Variants in SEMA6D observed in about 807,000 individuals in gnomAD.
The protein encoded by SEMA6D is semaphorin 6D, also known as semaphorin-6D.
A neutral mutation model predicts 106.6 loss-of-function variants in SEMA6D; 35 were observed. That is an observed-to-expected ratio of 0.33 (90% CI 0.25 to 0.44). The LOEUF (loss-of-function observed/expected upper bound fraction) is 0.44. Among genes scored for constraint, SEMA6D ranks in the 20% least tolerant of loss-of-function variants. The probability of loss-of-function intolerance (pLI) is 1.00; values close to 1 mark genes in which losing one functional copy is unlikely to be tolerated. For missense variants in SEMA6D, 1,185 were observed against 1,345.9 expected, an observed-to-expected ratio of 0.88 and a Z score of 1.87; for synonymous variants, 499 against 487.7, an observed-to-expected ratio of 1.02 and a Z score of -0.31.
At chr15:47,374,297 A>G (rs2039375310) in intron 1 of SEMA6D, among the ~76,000 whole-genome samples, 1 of 152,142 alleles carries the variant, frequency 6.6e-6, no homozygotes, top group Non-Finnish European at 1.5e-5. Flanking sequence ...AGGGGGTGGT[A>G]AAGAGAAGTC....
intron 4 of SEMA6D, among the ~76,000 whole-genome samples, chr15:47,661,497 C>T (rs1299487018): frequency 6.6e-6 from 1 of 152,212 alleles, no homozygotes; most frequent in Non-Finnish European, 1.5e-5. Context: ...GCTATGGAAA[C>T]TGCATGAAGA....
intron 11 of SEMA6D, 58 bp downstream of exon 11, chr15:47,764,363 G>A: frequency 6.4e-7 from 1 of 1,570,458 alleles, no homozygotes; most frequent in East Asian, 2.3e-5. Flanking sequence ...GTCATTGGAA[G>A]CATCCCTCCT....
intron 1 of SEMA6D, among the ~76,000 whole-genome samples, chr15:47,325,250 T>C (rs1349784553): frequency 1.3e-5 from 2 of 151,750 alleles, no homozygotes; most frequent in African/African-American, 4.8e-5. Context: ...CTCGGCTCAC[T>C]GCAACCTCCA....
intron 2 of SEMA6D, among the ~76,000 whole-genome samples, chr15:47,447,119 GA>G (rs1415862861): frequency 6.6e-6 from 1 of 152,068 alleles, no homozygotes; most frequent in Non-Finnish European, 1.5e-5. Context: ...CCTCCAGTGG[GA>G]TATCTTCCTG....
intron 1 of SEMA6D, among the ~76,000 whole-genome samples, chr15:47,194,037 T>C (rs550102468): frequency 6.6e-6 from 1 of 151,968 alleles, no homozygotes; most frequent in South Asian, 2.1e-4. Flanking sequence ...GGTAGACAAC[T>C]AAATAAATAT....
chr15:47,636,652 C>T (rs893486385), intron 4 of SEMA6D, among the ~76,000 whole-genome samples: 2 of 152,136 alleles, frequency 1.3e-5, no homozygotes, highest in Non-Finnish European at 2.9e-5. Flanking sequence ...AACATCACAG[C>T]GAAGGCAAGA....
intron 3 of SEMA6D, among the ~76,000 whole-genome samples, chr15:47,506,156 T>C (rs2044030250): frequency 6.6e-6 from 1 of 152,154 alleles, no homozygotes; most frequent in South Asian, 2.1e-4. Context: ...AACCCTTCGC[T>C]GCTACAATGT....
At chr15:47,760,043 TA>T in intron 2 of SEMA6D, 136 bp downstream of exon 2, 1 of 729,888 alleles carries the variant, frequency 1.4e-6, no homozygotes, top group Non-Finnish European at 2.3e-6. Flanking sequence ...AGTTTATCAG[TA>T]ATCATTTCCT....
chr15:47,284,531 A>G (rs1022951962), intron 1 of SEMA6D, among the ~76,000 whole-genome samples: 1 of 152,184 alleles, frequency 6.6e-6, no homozygotes, highest in Admixed American at 6.5e-5. Context: ...AGATTCCACT[A>G]TAAATTTTCT....
At chr15:47,705,209 A>G (rs1356837567) in intron 4 of SEMA6D, among the ~76,000 whole-genome samples, 2 of 152,170 alleles carry the variant, frequency 1.3e-5, no homozygotes, top group East Asian at 3.9e-4. Flanking sequence ...GACACTAACT[A>G]GAGGGGCTTA....
At chr15:47,547,420 C>G (rs1278489208) in intron 3 of SEMA6D, among the ~76,000 whole-genome samples, 1 of 152,136 alleles carries the variant, frequency 6.6e-6, no homozygotes, top group Non-Finnish European at 1.5e-5. Flanking sequence ...AATAAAATGT[C>G]TTGCTTTTCA....
In SEMA6D at chr15:47,353,978, A is replaced by G. The variant is rs2144875680; in HGVS notation, c.-238-58415A>G. On this transcript the variant is annotated intron_variant, in intron 1 of 19. Transcript: ENST00000558014. ...TTTGAAAGATATGTTTCCTAAAAAAACAGAACTCAAAATATTATTTAGTTC... is the reference window on the plus strand; with the variant it reads ...TTTGAAAGATATGTTTCCTAAAAAAGCAGAACTCAAAATATTATTTAGTTC... Among the ~76,000 whole-genome samples, 2 of 152,172 alleles carry G rather than the reference A, an allele frequency of 1.3e-5. 1 individual carries two copies. Among genetic ancestry groups the G allele is most frequent in the South Asian group, 4.1e-4 (2 of 4,820 alleles).
At chr15:47,279,734 G>A (rs1375645993) in intron 1 of SEMA6D, among the ~76,000 whole-genome samples, 10 of 152,100 alleles carry the variant, frequency 6.6e-5, no homozygotes, top group Non-Finnish European at 1.5e-4. Context: ...TTTTTAGCAT[G>A]AAGGGTTGTT....
intron 4 of SEMA6D, among the ~76,000 whole-genome samples, chr15:47,648,861 GT>G: frequency 6.6e-6 from 1 of 152,228 alleles, no homozygotes; most frequent in East Asian, 1.9e-4. Flanking sequence ...CTTAACTCTT[GT>G]TTATATCAAT....
At chr15:47,613,779 C>T (rs1047867349) in intron 4 of SEMA6D, among the ~76,000 whole-genome samples, 1 of 152,048 alleles carries the variant, frequency 6.6e-6, no homozygotes, top group Admixed American at 6.6e-5. Context: ...TCAGCCTCTC[C>T]AAGTAGCTGG....
At chr15:47,535,559 G>A (rs1297119626) in intron 3 of SEMA6D, among the ~76,000 whole-genome samples, 2 of 151,974 alleles carry the variant, frequency 1.3e-5, no homozygotes, top group Admixed American at 6.6e-5. Context: ...AGCACCTACT[G>A]TACATAAGAG....
intron 3 of SEMA6D, among the ~76,000 whole-genome samples, chr15:47,574,904 ACTAAT>A (rs1245274439): frequency 2.6e-5 from 4 of 152,182 alleles, no homozygotes; most frequent in African/African-American, 9.7e-5. Flanking sequence ...GTCTAAATAC[ACTAAT>A]CTACCTAGGA....
intron 1 of SEMA6D, among the ~76,000 whole-genome samples, chr15:47,333,864 C>T (rs752950605): frequency 3.3e-5 from 5 of 152,086 alleles, no homozygotes; most frequent in East Asian, 1.9e-4. Context: ...TTGTGGTATG[C>T]GGGAAACATA....
intron 1 of SEMA6D, among the ~76,000 whole-genome samples, chr15:47,196,351 C>G (rs1030437556): frequency 1.3e-5 from 2 of 152,124 alleles, no homozygotes; most frequent in Non-Finnish European, 2.9e-5. Context: ...GAGAGGCTTT[C>G]TGAGCCACTG....
Sources: gnomAD v4.1 joint callset for allele counts (sites outside exome capture counted in the v4.1 genomes callset) on GRCh38, gnomAD v4.1.1 for gene constraint, MANE v1.5 for transcripts, NCBI Gene and HGNC (gene_info 2026-07-23, HGNC 2026-07-21) for gene names.